The following TMEM39B variants were observed in gnomAD, a reference collection of about 807,000 sequenced individuals.
TMEM39B encodes the protein transmembrane protein 39B.
A neutral mutation model predicts 52.2 loss-of-function variants in TMEM39B; 23 were observed. The ratio of observed to expected loss-of-function variants is 0.44; its 90% CI spans 0.32 to 0.62. TMEM39B has a LOEUF of 0.62. Among genes scored for constraint, TMEM39B ranks in the 20% least tolerant of loss-of-function variants. The pLI, the probability that TMEM39B is intolerant of heterozygous loss-of-function variation, is 0.06. For synonymous variants in TMEM39B, 285 were observed against 264.0 expected, an observed-to-expected ratio of 1.08 and a Z score of -0.77; for missense variants, 547 against 642.0, an observed-to-expected ratio of 0.85 and a Z score of 1.60.
rs1569860137 is a variant in TMEM39B at position 32,077,012 on chromosome 1, T to G, written c.436-152T>G. The G allele has an allele frequency of 5.3e-5, 68 of 1,288,626 alleles. No individual in the cohort carries two copies. The East Asian group carries it at 1.6e-3, about 30-fold the overall frequency. The allele number at this position is 1,288,626 out of a possible 1,614,324, so 79.8% of individuals were successfully genotyped here. Reference sequence around the variant, plus strand: ...ATCCCATCTTGGAGTTTACTGGGCATCAAAGAGAAGGATTTACCTTGCCAG... The same window carrying G: ...ATCCCATCTTGGAGTTTACTGGGCAGCAAAGAGAAGGATTTACCTTGCCAG... On this transcript the variant is annotated intron_variant, in intron 4 of 8. Transcript: ENST00000336294.
intron 7 of TMEM39B, among the ~76,000 whole-genome samples, chr1:32,097,550 A>C (rs1336938350): frequency 2.0e-5 from 3 of 151,712 alleles, no homozygotes; most frequent in African/African-American, 7.3e-5. Flanking sequence ...CAGGCTGGTC[A>C]CGAACTCCCA....
upstream of TMEM39B, chr1:32,072,878 G>C: frequency 2.3e-6 from 2 of 863,062 alleles, no homozygotes; most frequent in Non-Finnish European, 3.4e-6. Context: ...TTTAAGAAGC[G>C]CGCGCCAGCT....
intron 5 of TMEM39B, among the ~76,000 whole-genome samples, chr1:32,084,766 C>T (rs1640270102): frequency 6.6e-6 from 1 of 152,040 alleles, no homozygotes; most frequent in African/African-American, 2.4e-5. Flanking sequence ...CGGGGTTTCA[C>T]CATGTTGGTC....
intron 5 of TMEM39B, among the ~76,000 whole-genome samples, chr1:32,082,974 C>A (rs1275189805): frequency 6.7e-6 from 1 of 150,294 alleles, no homozygotes; most frequent in Admixed American, 6.6e-5. Flanking sequence ...CGGGGTTTCA[C>A]CGTGTTAGCC....
At chr1:32,092,852 C>T (rs1283386369) in intron 6 of TMEM39B, among the ~76,000 whole-genome samples, 5 of 152,174 alleles carry the variant, frequency 3.3e-5, no homozygotes, top group Non-Finnish European at 5.9e-5. Context: ...TGTCCAAGGT[C>T]ACCCAGCCAA....
At chr1:32,101,173 G>C (rs1249310950) in intron 8 of TMEM39B, among the ~76,000 whole-genome samples, 3 of 152,156 alleles carry the variant, frequency 2.0e-5, no homozygotes, top group Non-Finnish European at 4.4e-5. Flanking sequence ...CTGTGTGCCA[G>C]GCATGTCGTT....
Position 32,102,590 on chromosome 1 carries a change from C to G in TMEM39B, c.1396C>G (p.Leu466Val). Residue 466 changes from leucine (L) to valine (V), a missense_variant, in exon 9 of 9, where the codon CTG becomes GTG. By Grantham distance (32) the Leu-to-Val change is conservative. Transcript: ENST00000336294. Reference sequence around the variant, plus strand: ...CAGCAACTACTATGCCTTCTTCAAGCTGCTCCGGGACCGCTTGGTATTGGG... The same window carrying G: ...CAGCAACTACTATGCCTTCTTCAAGGTGCTCCGGGACCGCTTGGTATTGGG... ...LFSNYYAFFKLLRDRLVLGKA... is the reference protein window; with the variant it reads ...LFSNYYAFFKVLRDRLVLGKA... 6.2e-7 allele frequency: 1 copy of G among 1,614,070 alleles called. No homozygotes were observed. Among genetic ancestry groups the G allele is most frequent in the Non-Finnish European group, 8.5e-7 (1 of 1,179,990 alleles).
chr1:32,076,720 G>A (rs1315111750), intron 3 of TMEM39B, 43 bp from the exon 4 acceptor site: 3 of 1,603,776 alleles, frequency 1.9e-6, no homozygotes, highest in Non-Finnish European at 2.6e-6. Context: ...CCTGCATATG[G>A]GCAAGGGGCC....
chr1:32,078,788 C>T (rs1275160846), intron 5 of TMEM39B, among the ~76,000 whole-genome samples: 1 of 151,780 alleles, frequency 6.6e-6, no homozygotes, highest in African/African-American at 2.4e-5. Flanking sequence ...TTACAGGTGC[C>T]CACCACCACG....
intron 5 of TMEM39B, among the ~76,000 whole-genome samples, chr1:32,079,296 T>G (rs990281175): frequency 6.6e-6 from 1 of 151,640 alleles, no homozygotes; most frequent in Non-Finnish European, 1.5e-5. Flanking sequence ...ACCATTCTCC[T>G]GCCTCAGCCT....
chr1:32,088,493 G>A (rs990324068), intron 5 of TMEM39B, among the ~76,000 whole-genome samples: 16 of 151,406 alleles, frequency 1.1e-4, no homozygotes, highest in African/African-American at 3.2e-4. Context: ...CTGCTTCTTC[G>A]TCTGTCATCA....
chr1:32,073,591 A>C lies in TMEM39B; in HGVS notation c.4+540A>C, dbSNP rs535301307. 26 of 988,458 alleles carry C rather than the reference A, an allele frequency of 2.6e-5. No individual in the cohort carries two copies. The Middle Eastern group carries it at 1.6e-3, about 59-fold the overall frequency. 61.2% of individuals were successfully genotyped at this position (988,458 alleles called of 1,614,324 possible). ...CTTTATGTGGGTGCAGAGCTTCTAA[A>C]GAGAGGAGAGTGGGTGTGGGCAGAG... On this transcript the variant is annotated intron_variant, in intron 1 of 8. Coordinates refer to ENST00000336294, the MANE Select transcript of TMEM39B (RefSeq NM_018056.4).
chr1:32,076,905 G>A (rs1469855577), intron 4 of TMEM39B, 59 bp downstream of exon 4: 9 of 1,574,788 alleles, frequency 5.7e-6, no homozygotes, highest in Non-Finnish European at 7.0e-6. Flanking sequence ...CCCTGGGGAT[G>A]CCAAGGAAAC....
intron 1 of TMEM39B, chr1:32,073,360 A>G (rs1475583425): frequency 3.2e-6 from 1 of 315,614 alleles, no homozygotes. Flanking sequence ...TTCAGCGCTA[A>G]GGGTGGAGAT....
chr1:32,083,565 C>T (rs898905228), intron 5 of TMEM39B, among the ~76,000 whole-genome samples: 3 of 149,068 alleles, frequency 2.0e-5, no homozygotes, highest in East Asian at 2.0e-4. Context: ...TGGGACTACA[C>T]GCGCCCGCCA....
intron 7 of TMEM39B, among the ~76,000 whole-genome samples, chr1:32,099,152 A>G (rs1640923122): frequency 6.6e-6 from 1 of 151,352 alleles, no homozygotes; most frequent in African/African-American, 2.4e-5. Flanking sequence ...CAGGAGAATC[A>G]CTTGAACCCA....
chr1:32,076,584 T>C lies in TMEM39B; in HGVS notation c.352-179T>C, dbSNP rs556673270. ...CCCAGGGACTGTCCCACTTCCCTTC[T>C]CGGGGTCCTGTCCTACTCCTGTAGG... On this transcript the variant is annotated intron_variant, in intron 3 of 8. Transcript: ENST00000336294. 12 of 712,554 alleles carry C rather than the reference T, an allele frequency of 1.7e-5. No homozygotes were observed. The East Asian group carries it at 2.7e-4, about 16-fold the overall frequency. The allele number at this position is 712,554 out of a possible 1,614,324, so 44.1% of individuals were successfully genotyped here.
Position 32,073,041 on chromosome 1 carries a change from G to A in TMEM39B, c.-7G>A. 2.0e-6 allele frequency: 3 copies of A among 1,520,548 alleles called. No homozygotes were observed. The highest frequency in any genetic ancestry group is 2.4e-5 in the South Asian group (2 of 81,656). The allele number at this position is 1,520,548 out of a possible 1,614,324, so 94.2% of individuals were successfully genotyped here. ...GGCGGCGAAGCGGAGAGCACCGGGG[G>A]GAGGAGATGGGTGAGCAGAGCGGCT... is the stretch of plus-strand genomic sequence containing the variant. On this transcript the variant is annotated 5_prime_UTR_variant, in exon 1 of 9. Transcript: ENST00000336294.
chr1:32,083,559 A>T (rs1017318548), intron 5 of TMEM39B, among the ~76,000 whole-genome samples: 3 of 150,628 alleles, frequency 2.0e-5, no homozygotes, highest in African/African-American at 7.3e-5. Context: ...AGTAGCTGGG[A>T]CTACACGCGC....
Sources: gnomAD v4.1 joint callset for allele counts (sites outside exome capture counted in the v4.1 genomes callset) on GRCh38, gnomAD v4.1.1 for gene constraint, MANE v1.5 for transcripts, NCBI Gene and HGNC (gene_info 2026-07-23, HGNC 2026-07-21) for gene names.